The following UPK1B variants were observed in gnomAD, a reference collection of about 807,000 sequenced individuals.
UPK1B encodes uroplakin 1B, also known as uroplakin-1b.
UPK1B carries 28 observed loss-of-function variants against 34.2 expected under a neutral mutation model. The observed-to-expected ratio is 0.82, with a 90% CI of 0.61 to 1.12. The LOEUF is 1.12. Among genes scored for constraint, UPK1B ranks in the 50% most tolerant of loss-of-function variants. The pLI, the probability that UPK1B is intolerant of heterozygous loss-of-function variation, is 0.00. For missense variants in UPK1B, 325 were observed against 320.9 expected (o/e 1.01, Z -0.10); for synonymous variants, 81 against 110.4 (o/e 0.73, Z 1.67).
intron 5 of UPK1B, among the ~76,000 whole-genome samples, chr3:119,191,614 C>A (rs1559902806): frequency 6.6e-6 from 1 of 152,188 alleles, no homozygotes; most frequent in Non-Finnish European, 1.5e-5. Flanking sequence ...CTACTCCACA[C>A]CCCACCACCA....
chr3:119,179,850 G>C (rs1225596592), intron 1 of UPK1B, among the ~76,000 whole-genome samples: 3 of 96,854 alleles, frequency 3.1e-5, no homozygotes, highest in East Asian at 3.5e-4. Flanking sequence ...TTTGAGACGA[G>C]TGCAATGGCG....
chr3:119,184,815 G>C (rs771685820), intron 1 of UPK1B, among the ~76,000 whole-genome samples: 3 of 152,278 alleles, frequency 2.0e-5, no homozygotes, highest in Middle Eastern at 3.4e-3. Context: ...GTTGATATCG[G>C]TGCTGAATTT....
chr3:119,187,638 T>C (rs2078025035), intron 2 of UPK1B, 137 bp from the exon 3 acceptor site: 1 of 856,840 alleles, frequency 1.2e-6, no homozygotes, highest in Admixed American at 2.1e-5. Flanking sequence ...TTGTTTGATT[T>C]CCTGGCAATG....
intron 7 of UPK1B, among the ~76,000 whole-genome samples, chr3:119,200,698 A>G (rs1559904736): frequency 6.6e-6 from 1 of 152,226 alleles, no homozygotes; most frequent in Non-Finnish European, 1.5e-5. Flanking sequence ...TTTTTGCTTG[A>G]AAGTTCAAAT....
Position 119,187,873 on chromosome 3 carries a change from T to G in UPK1B, c.168T>G (p.Tyr56Ter). 6.2e-7 allele frequency: 1 copy of G among 1,614,104 alleles called. No individual in the cohort carries two copies. The highest frequency in any genetic ancestry group is 1.1e-5 in the South Asian group (1 of 91,056). ...AAGCCACCGACAACGATGACATCTATGGGGCTGCCTGGATCGGCATATTTG... is the reference window on the plus strand; with the variant it reads ...AAGCCACCGACAACGATGACATCTAGGGGGCTGCCTGGATCGGCATATTTG... ...LLEATDNDDI[Y>*]GAAWIGIFVG... Residue 56 changes from tyrosine (Y) to a stop codon, truncating the protein, a stop_gained, in exon 3 of 8, where the codon TAT (tyrosine) becomes TAG (stop). Transcript: ENST00000264234. LOFTEE classifies it high-confidence loss of function.
chr3:119,204,134 C>A lies in UPK1B; in HGVS notation c.*167C>A, dbSNP rs1251103513. On this transcript the variant is annotated 3_prime_UTR_variant, in exon 8 of 8. Coordinates refer to ENST00000264234, the MANE Select transcript of UPK1B (RefSeq NM_006952.4). Reference sequence around the variant, plus strand: ...TTTAGGATCTCAGGCTTCTGCAGTTCTCATGACTCCTACTTTTCATCCTAG... The same window carrying A: ...TTTAGGATCTCAGGCTTCTGCAGTTATCATGACTCCTACTTTTCATCCTAG... The A allele has an allele frequency of 4.6e-6, 3 of 653,128 alleles. No homozygotes were observed. Among genetic ancestry groups the A allele is most frequent in the Non-Finnish European group, 7.8e-6 (3 of 383,454 alleles). The allele number at this position is 653,128 out of a possible 1,614,324, so 40.5% of individuals were successfully genotyped here. A position where few individuals can be genotyped will look rare whatever the true frequency, so the allele number is the denominator to read the frequency against.
intron 6 of UPK1B, among the ~76,000 whole-genome samples, chr3:119,194,734 A>G (rs2078058701): frequency 6.6e-6 from 1 of 152,248 alleles, no homozygotes; most frequent in Admixed American, 6.5e-5. Context: ...TGCAAAATGT[A>G]AATTGGAAGG....
chr3:119,187,859 A>C lies in UPK1B; in HGVS notation c.154A>C (p.Asn52His). The C allele has an allele frequency of 6.2e-7, 1 of 1,614,054 alleles. No individual in the cohort carries two copies. The highest frequency in any genetic ancestry group is 2.2e-5 in the East Asian group (1 of 44,882). ...SLYPLLEATD[N>H]DDIYGAAWIG... ...CTACCCACTGCTTGAAGCCACCGAC[A>C]ACGATGACATCTATGGGGCTGCCTG... The change falls in exon 3 of 8, where the codon AAC becomes CAC. Residue 52 changes from asparagine (N) to histidine (H), a missense_variant. Physicochemically the swap from Asn to His is moderately conservative, Grantham distance 68. Coordinates refer to ENST00000264234, the MANE Select transcript of UPK1B (RefSeq NM_006952.4).
chr3:119,180,685 T>A (rs9824684), intron 1 of UPK1B, among the ~76,000 whole-genome samples: 37,959 of 145,974 alleles, frequency 0.26, 4,934 homozygotes, highest in East Asian at 0.41. Flanking sequence ...TTTTTTTTTT[T>A]AAATATCCAT....
Position 119,204,140 on chromosome 3 carries a change from A to C in UPK1B, c.*173A>C. 1.6e-6 allele frequency: 1 copy of C among 636,882 alleles called. No homozygotes were observed. The highest frequency in any genetic ancestry group is 2.7e-6 in the Non-Finnish European group (1 of 373,762). The allele number at this position is 636,882 out of a possible 1,614,324, so 39.5% of individuals were successfully genotyped here. A position where few individuals can be genotyped will look rare whatever the true frequency, so the allele number is the denominator to read the frequency against. ...ATCTCAGGCTTCTGCAGTTCTCATG[A>C]CTCCTACTTTTCATCCTAGTCTAGC... On this transcript the variant is annotated 3_prime_UTR_variant, in exon 8 of 8. Transcript: ENST00000264234.
chr3:119,200,240 A>G (rs1160773469), intron 7 of UPK1B, among the ~76,000 whole-genome samples: 1 of 152,166 alleles, frequency 6.6e-6, no homozygotes, highest in African/African-American at 2.4e-5. Flanking sequence ...TCTTGTAGAG[A>G]CAGGATCTTA....
At chr3:119,192,185 AT>A (rs1182977032) in intron 5 of UPK1B, among the ~76,000 whole-genome samples, 1 of 152,110 alleles carries the variant, frequency 6.6e-6, no homozygotes, top group Non-Finnish European at 1.5e-5. Flanking sequence ...TAATATCTCA[AT>A]TCTAATAATT....
In UPK1B at chr3:119,203,833, T is replaced by C. The variant is rs925691110; in HGVS notation, c.733-84T>C. The C allele has an allele frequency of 1.2e-5, 17 of 1,420,018 alleles. No homozygotes were observed. In the East Asian group the frequency reaches 3.9e-4, roughly 32 times the overall value. The allele number at this position is 1,420,018 out of a possible 1,614,324, so 88.0% of individuals were successfully genotyped here. On this transcript the variant is annotated intron_variant, in intron 7 of 7. Transcript: ENST00000264234. ...AAATCTGTTGTCACCTAAGCCTGAA[T>C]GAACCTAACATCCACTTTTTCCAAG...
Position 119,196,702 on chromosome 3 carries a change from G to A in UPK1B, c.648+2304G>A, listed in dbSNP as rs561584462. Among the ~76,000 whole-genome samples, 88 of 151,930 alleles carry A rather than the reference G, an allele frequency of 5.8e-4. 1 individual carries two copies. The highest frequency in any genetic ancestry group is 1.5e-3 in the Admixed American group (23 of 15,270). On this transcript the variant is annotated intron_variant, in intron 6 of 7. Transcript: ENST00000264234. The stretch of plus-strand genomic sequence containing the variant: ...CTACAGGTGCACGCAACCACACCCA[G>A]CTAATTTTTGTATTTTTAGTAGAGA...
intron 7 of UPK1B, among the ~76,000 whole-genome samples, chr3:119,203,381 C>T (rs1239664830): frequency 1.5e-5 from 2 of 129,348 alleles, no homozygotes; most frequent in East Asian, 4.5e-4. Context: ...TGATATCTAA[C>T]AAAGACATGG....
intron 2 of UPK1B, 53 bp from the exon 3 acceptor site, chr3:119,187,722 C>CCCCCTT: frequency 6.4e-7 from 1 of 1,573,566 alleles, no homozygotes; most frequent in Non-Finnish European, 8.7e-7. Context: ...CACCCTCCAC[C>CCCCCTT]CCCTTTCCCA....
chr3:119,176,859 C>T (rs911583234), intron 1 of UPK1B, among the ~76,000 whole-genome samples: 5 of 152,118 alleles, frequency 3.3e-5, no homozygotes, highest in African/African-American at 1.2e-4. Flanking sequence ...ATACTGTGGG[C>T]TAAAAGAGAA....
chr3:119,203,783 A>G, intron 7 of UPK1B, 134 bp from the exon 8 acceptor site: 1 of 905,146 alleles, frequency 1.1e-6, no homozygotes, highest in Non-Finnish European at 1.7e-6. Context: ...GGTTTTTTAG[A>G]AGAAATAAAA....
intron 6 of UPK1B, among the ~76,000 whole-genome samples, chr3:119,198,234 C>A (rs1035056124): frequency 6.6e-6 from 1 of 152,186 alleles, no homozygotes; most frequent in Non-Finnish European, 1.5e-5. Flanking sequence ...TATAGAGAAA[C>A]CTCCTCTGGT....
Sources: allele counts gnomAD v4.1 joint callset (sites outside exome capture counted in the v4.1 genomes callset), GRCh38; gene constraint gnomAD v4.1.1; transcripts MANE v1.5; gene names NCBI Gene and HGNC (gene_info 2026-07-23, HGNC 2026-07-21).